EBF3: variants seen among roughly 807,000 people sequenced by gnomAD.
EBF3 encodes EBF transcription factor 3.
Under a neutral mutation model 77.1 loss-of-function variants are expected in EBF3, and 18 were observed. That is an observed-to-expected ratio of 0.23 (90% CI 0.16 to 0.35). The LOEUF is 0.35. Ranked by LOEUF, EBF3 falls within the 10% of genes least tolerant of loss-of-function variation. The pLI, the probability that EBF3 is intolerant of heterozygous loss-of-function variation, is 1.00. For missense variants in EBF3, 558 were observed against 860.0 expected (o/e 0.65, Z 4.39); for synonymous variants, 350 against 343.5 (o/e 1.02, Z -0.21).
In EBF3 at chr10:129,843,365, C is replaced by T. The variant is rs114362263; in HGVS notation, c.1129-163G>A. 4,099 of 638,130 alleles carry T rather than the reference C, an allele frequency of 6.4e-3. 136 individuals carry two copies. In the African/African-American group the frequency reaches 0.065, roughly 10 times the overall value. 39.5% of individuals were successfully genotyped at this position (638,130 alleles called of 1,614,324 possible). On this transcript the variant is annotated intron_variant, in intron 11 of 16. Transcript: ENST00000440978. ...GAAGGCAGGCACAGACAGGAAGGCA[C>T]GTGCGTGCTGACAACACTGTTTGTG...
chr10:129,893,898 G>A (rs981555846), intron 6 of EBF3, among the ~76,000 whole-genome samples: 11 of 152,200 alleles, frequency 7.2e-5, no homozygotes, highest in African/African-American at 2.4e-4. Context: ...TCCCTGGTGG[G>A]GGTGCACGGG....
chr10:129,846,917 C>G (rs1850506356), intron 11 of EBF3, among the ~76,000 whole-genome samples: 1 of 152,024 alleles, frequency 6.6e-6, no homozygotes, highest in Admixed American at 6.5e-5. Context: ...TTCTGTCCCC[C>G]GGGGAGGCAG....
At chr10:129,868,404 A>G (rs1007757925) in intron 8 of EBF3, among the ~76,000 whole-genome samples, 1 of 152,182 alleles carries the variant, frequency 6.6e-6, no homozygotes, top group East Asian at 1.9e-4. Flanking sequence ...CACAATTACT[A>G]CTTTTCACTT....
At chr10:129,840,162 GA>G in intron 15 of EBF3, 82 bp downstream of exon 15, 1 of 1,466,168 alleles carries the variant, frequency 6.8e-7, no homozygotes, top group Non-Finnish European at 9.1e-7. Flanking sequence ...GGTGCCAGGA[GA>G]AAGGCCGAGC....
At position 129,880,350 on chromosome 10, in the gene EBF3, CAG is replaced by C. The variant is rs1170224893; in HGVS notation, c.555-2503_555-2502del. Among the ~76,000 whole-genome samples, 4 of 140,248 alleles carry C rather than the reference CAG, an allele frequency of 2.9e-5. No homozygotes were observed. In the East Asian group the frequency reaches 5.8e-4, roughly 20 times the overall value. 92.0% of individuals were successfully genotyped at this position (140,248 alleles called of 152,430 possible). On this transcript the variant is annotated intron_variant, in intron 6 of 16. Transcript: ENST00000440978. ...ACACATACATACACACACATGCCCA[CAG>C]ACACACATGCCCACATGCCCACACT...
chr10:129,839,046 G>A lies in EBF3; in HGVS notation c.1872+37C>T, dbSNP rs141781459. ...CCTGGGCGTCCCTTCATACGCTAAC[G>A]GATGTTGTGAAGACAATGATTTCAA... On this transcript the variant is annotated intron_variant, in intron 16 of 16. Transcript: ENST00000440978. 2.4e-5 allele frequency: 31 copies of A among 1,303,826 alleles called. No individual in the cohort carries two copies. The East Asian group carries it at 6.1e-4, about 26-fold the overall frequency. The allele number at this position is 1,303,826 out of a possible 1,614,324, so 80.8% of individuals were successfully genotyped here.
At chr10:129,882,928 A>T (rs1247264049) in intron 6 of EBF3, among the ~76,000 whole-genome samples, 1 of 152,174 alleles carries the variant, frequency 6.6e-6, no homozygotes, top group East Asian at 1.9e-4. Context: ...TGCAATGATG[A>T]TTTCTTTCCC....
chr10:129,885,654 G>A lies in EBF3; in HGVS notation c.555-7805C>T, dbSNP rs193128906. 6.6e-5 allele frequency among the ~76,000 whole-genome samples: 10 copies of A among 152,138 alleles called. No homozygotes were observed. The highest frequency in any genetic ancestry group is 1.9e-4 in the East Asian group (1 of 5,180). On this transcript the variant is annotated intron_variant, in intron 6 of 16. Coordinates refer to ENST00000440978, the MANE Select transcript of EBF3 (RefSeq NM_001375380.1). This position sits in a 1 kb window ranked among gnomAD's most constrained non-coding sequence, Gnocchi z 4.0. ...ACATTATTTCCCCAGCAGATCACGC[G>A]CCCTGTCAATCAGTCTGTATTTTGT...
In EBF3 at chr10:129,841,560, G is replaced by A. The variant is rs981853090; in HGVS notation, c.1373-528C>T. On this transcript the variant is annotated intron_variant, in intron 13 of 16. Coordinates refer to ENST00000440978, the MANE Select transcript of EBF3 (RefSeq NM_001375380.1). This position sits in a 1 kb window ranked among gnomAD's most constrained non-coding sequence, Gnocchi z 4.6. Reference sequence around the variant, plus strand: ...GGGAACAAAATCAGCAATAGTATGGGTGAGGTGTTTTCTAAGATCACTGCC... The same window carrying A: ...GGGAACAAAATCAGCAATAGTATGGATGAGGTGTTTTCTAAGATCACTGCC... 1.3e-5 allele frequency among the ~76,000 whole-genome samples: 2 copies of A among 152,182 alleles called. No homozygotes were observed. The highest frequency in any genetic ancestry group is 4.8e-5 in the African/African-American group (2 of 41,440).
At chr10:129,896,663 C>A (rs1372550555) in intron 6 of EBF3, among the ~76,000 whole-genome samples, 2 of 152,250 alleles carry the variant, frequency 1.3e-5, no homozygotes, top group Non-Finnish European at 2.9e-5. Flanking sequence ...CTCCGCTGAC[C>A]TCGCCGGTGC....
At chr10:129,959,280 C>A (rs1859290235) in intron 4 of EBF3, among the ~76,000 whole-genome samples, 1 of 151,980 alleles carries the variant, frequency 6.6e-6, no homozygotes, top group South Asian at 2.1e-4. Flanking sequence ...GCCGACTGGG[C>A]TCGGGCCGCG....
intron 6 of EBF3, among the ~76,000 whole-genome samples, chr10:129,915,638 G>A (rs1191578452): frequency 9.9e-5 from 15 of 152,190 alleles, no homozygotes; most frequent in Admixed American, 6.5e-4. Context: ...CCGAGAGTGC[G>A]GGAAAGCTGT....
At chr10:129,910,107 G>A (rs1182857731) in intron 6 of EBF3, among the ~76,000 whole-genome samples, 9 of 152,300 alleles carry the variant, frequency 5.9e-5, no homozygotes, top group Admixed American at 3.9e-4. Flanking sequence ...TAACGAGCCC[G>A]CCCGGGGCTG....
At chr10:129,909,028 C>T (rs1855337579) in intron 6 of EBF3, among the ~76,000 whole-genome samples, 1 of 152,228 alleles carries the variant, frequency 6.6e-6, no homozygotes. Flanking sequence ...TTAAGCACAG[C>T]TGCTGAAGGC....
chr10:129,905,947 G>T (rs990639514), intron 6 of EBF3, among the ~76,000 whole-genome samples: 1 of 152,234 alleles, frequency 6.6e-6, no homozygotes, highest in Non-Finnish European at 1.5e-5. Flanking sequence ...CTAGCCGAGT[G>T]TAAATTTAGA....
At chr10:129,854,304 T>C (rs1247323884) in intron 10 of EBF3, among the ~76,000 whole-genome samples, 4 of 152,154 alleles carry the variant, frequency 2.6e-5, no homozygotes, top group Non-Finnish European at 4.4e-5. Context: ...TCAATGCTCA[T>C]AGAAATTTCA....
chr10:129,903,265 A>C (rs1854912506), intron 6 of EBF3, among the ~76,000 whole-genome samples: 1 of 152,220 alleles, frequency 6.6e-6, no homozygotes. Context: ...CAAAACCATA[A>C]GGCCAATTTC....
intron 6 of EBF3, among the ~76,000 whole-genome samples, chr10:129,955,392 A>T (rs1339547071): frequency 6.6e-6 from 1 of 152,218 alleles, no homozygotes; most frequent in South Asian, 2.1e-4. Flanking sequence ...ATTCAAATAA[A>T]CATGGTAAAC....
chr10:129,875,678 T>G lies in EBF3; in HGVS notation c.637-2082A>C, dbSNP rs553782952. On this transcript the variant is annotated intron_variant, in intron 7 of 16. Coordinates refer to ENST00000440978, the MANE Select transcript of EBF3 (RefSeq NM_001375380.1). ...ACCCAGAACCTCAAAAGGTTATAAG[T>G]GCTGGCCCAGCATCCCAGGTCCAGC... 3.5e-4 allele frequency among the ~76,000 whole-genome samples: 53 copies of G among 152,362 alleles called. 2 individuals carry two copies. The South Asian group carries it at 0.011, about 32-fold the overall frequency.
Sources: gnomAD v4.1 joint callset for allele counts (sites outside exome capture counted in the v4.1 genomes callset) on GRCh38, gnomAD v4.1.1 for gene constraint, Gnocchi (gnomAD v3.1) non-coding constraint, MANE v1.5 for transcripts, NCBI Gene and HGNC (gene_info 2026-07-23, HGNC 2026-07-21) for gene names.